The following KIAA1671 variants were observed in gnomAD, a reference collection of about 807,000 sequenced individuals.
KIAA1671 encodes KIAA1671, also known as uncharacterized protein KIAA1671.
In KIAA1671, 52 loss-of-function variants were observed where a neutral mutation model predicts 131.2. The observed-to-expected ratio is 0.40, with a 90% CI of 0.32 to 0.50. The LOEUF is 0.50. Ranked by LOEUF, KIAA1671 falls within the 20% of genes least tolerant of loss-of-function variation. KIAA1671 has a pLI of 0.73. For missense variants in KIAA1671, 2,360 were observed against 2,364.2 expected (o/e 1.00, Z 0.04); for synonymous variants, 1,003 against 961.6 (o/e 1.04, Z -0.80).
intron 6 of KIAA1671, among the ~76,000 whole-genome samples, chr22:25,088,304 A>C (rs111930646): frequency 5.3e-5 from 8 of 152,122 alleles, no homozygotes; most frequent in African/African-American, 1.9e-4. Context: ...GACAGGTTTC[A>C]CCATGTTGGC....
Position 25,038,937 on chromosome 22 carries a change from G to T in KIAA1671, c.1807G>T (p.Asp603Tyr). 6.4e-7 allele frequency: 1 copy of T among 1,551,740 alleles called. No individual in the cohort carries two copies. Among genetic ancestry groups the T allele is most frequent in the East Asian group, 2.4e-5 (1 of 40,906 alleles). The change falls in exon 5 of 13, where the codon GAT (aspartate) becomes TAT (tyrosine). Residue 603 changes from aspartate (D) to tyrosine (Y), a missense_variant. This residue lies in a region of KIAA1671 where 1,185 missense variants were observed against 1,126.2 expected (regional missense o/e 1.05). Coordinates refer to ENST00000358431, the MANE Select transcript of KIAA1671 (RefSeq NM_001145206.2). ...APCPSDVTPE[D>Y]DRSFQTVWAT... ...GTGCCCTTCTGACGTCACTCCAGAG[G>T]ATGACCGGAGCTTCCAGACTGTGTG...
Position 25,039,888 on chromosome 22 carries a change from G to T in KIAA1671, c.2758G>T (p.Gly920Cys). The change falls in exon 5 of 13, where the codon GGT becomes TGT. Residue 920 changes from glycine to cysteine, a missense_variant. By Grantham distance (159) the Gly-to-Cys change is radical (BLOSUM62 -3). This residue lies in a region of KIAA1671 where 1,161 missense variants were observed against 1,204.7 expected (regional missense o/e 0.96). Transcript: ENST00000358431. ...GCCCTTCATTGTAGCCGCCAGGGAG[G>T]GTGATCCAGGGCCGGCCCAGGTGCC... ...KGPFIVAARE[G>C]DPGPAQVPQP... 16 of 1,551,560 alleles carry T rather than the reference G, an allele frequency of 1.0e-5. No homozygotes were observed. Among genetic ancestry groups the T allele is most frequent in the Non-Finnish European group, 1.3e-5 (15 of 1,146,972 alleles).
intron 5 of KIAA1671, among the ~76,000 whole-genome samples, chr22:25,045,291 A>G (rs977773273): frequency 3.9e-5 from 6 of 152,342 alleles, no homozygotes; most frequent in South Asian, 4.1e-4. Context: ...ACTATGGGCA[A>G]TTTTGCCCCT....
chr22:24,982,094 T>A (rs190210096), intron 1 of KIAA1671, among the ~76,000 whole-genome samples: 2 of 152,354 alleles, frequency 1.3e-5, no homozygotes, highest in Admixed American at 6.5e-5. Flanking sequence ...CACGCACCAC[T>A]TGAGTGATGT....
intron 6 of KIAA1671, among the ~76,000 whole-genome samples, chr22:25,085,506 A>T (rs1275349120): frequency 7.8e-6 from 1 of 127,666 alleles, no homozygotes; most frequent in Non-Finnish European, 1.8e-5. Flanking sequence ...AGGGGCCCCC[A>T]CCTCCCCCCC....
intron 1 of KIAA1671, among the ~76,000 whole-genome samples, chr22:24,983,348 G>A (rs143884826): frequency 0.01 from 1,589 of 152,202 alleles, 19 homozygotes; most frequent in South Asian, 0.033. Context: ...GTGGCTTCCG[G>A]CAATTGTTGG....
chr22:25,178,193 C>T (rs892750475), intron 9 of KIAA1671, among the ~76,000 whole-genome samples: 13 of 152,208 alleles, frequency 8.5e-5, no homozygotes, highest in African/African-American at 3.1e-4. Context: ...GACCATCCTC[C>T]AAGGCCAGCA....
At chr22:25,191,215 C>A (rs1934664036) in intron 12 of KIAA1671, among the ~76,000 whole-genome samples, 1 of 146,810 alleles carries the variant, frequency 6.8e-6, no homozygotes, top group Admixed American at 6.9e-5. Flanking sequence ...ATGATGCAAT[C>A]TCGGATCTTG....
At chr22:25,091,809 T>C (rs1336663001) in intron 6 of KIAA1671, among the ~76,000 whole-genome samples, 1 of 152,208 alleles carries the variant, frequency 6.6e-6, no homozygotes, top group Non-Finnish European at 1.5e-5. Flanking sequence ...CTGACTGAAA[T>C]GCTTCAACCA....
At chr22:25,158,805 G>A (rs1320119208) in intron 6 of KIAA1671, among the ~76,000 whole-genome samples, 1 of 152,142 alleles carries the variant, frequency 6.6e-6, no homozygotes, top group African/African-American at 2.4e-5. Flanking sequence ...TAAATGTCAC[G>A]GCCCAGCATG....
chr22:25,034,902 T>TG (rs1926505546), intron 4 of KIAA1671, among the ~76,000 whole-genome samples: 2 of 151,614 alleles, frequency 1.3e-5, no homozygotes, highest in Non-Finnish European at 2.9e-5. Context: ...CACGCCTGGC[T>TG]AATTTTTTGT....
intron 6 of KIAA1671, chr22:25,070,400 TC>T: frequency 1.9e-6 from 1 of 513,988 alleles, no homozygotes; most frequent in Non-Finnish European, 3.6e-6. Context: ...CTGCTGAAGC[TC>T]TTGCGCTACC....
chr22:24,981,723 C>T (rs925598568), intron 1 of KIAA1671, among the ~76,000 whole-genome samples: 1 of 152,156 alleles, frequency 6.6e-6, no homozygotes, highest in African/African-American at 2.4e-5. Flanking sequence ...GCCTGGGCAA[C>T]GTGACGAGAC....
intron 1 of KIAA1671, among the ~76,000 whole-genome samples, chr22:24,990,949 C>T (rs1482745364): frequency 6.6e-6 from 1 of 152,144 alleles, no homozygotes; most frequent in African/African-American, 2.4e-5. Context: ...CACTGTCCCA[C>T]CCCTGGCCCA....
At chr22:25,132,693 A>G (rs1932497287) in intron 6 of KIAA1671, among the ~76,000 whole-genome samples, 1 of 152,140 alleles carries the variant, frequency 6.6e-6, no homozygotes, top group African/African-American at 2.4e-5. Flanking sequence ...TCTACTGAAG[A>G]TCCCTGTTAC....
At chr22:25,046,596 T>C (rs941163182) in intron 5 of KIAA1671, among the ~76,000 whole-genome samples, 7 of 152,232 alleles carry the variant, frequency 4.6e-5, no homozygotes, top group Admixed American at 2.6e-4. Flanking sequence ...ATTCCCCTGA[T>C]ACCTGCCATG....
chr22:25,099,577 T>G (rs1184826208), intron 6 of KIAA1671, among the ~76,000 whole-genome samples: 1 of 128,530 alleles, frequency 7.8e-6, no homozygotes, highest in Non-Finnish European at 1.6e-5. Flanking sequence ...TTTTTTTAGA[T>G]AGAGTCTCGC....
chr22:25,081,497 T>C (rs571246249), intron 6 of KIAA1671, among the ~76,000 whole-genome samples: 1 of 152,226 alleles, frequency 6.6e-6, no homozygotes, highest in South Asian at 2.1e-4. Context: ...TTTCCACATA[T>C]CCAAGGGAGG....
chr22:24,978,095 A>C (rs954164725), intron 1 of KIAA1671, among the ~76,000 whole-genome samples: 1 of 152,098 alleles, frequency 6.6e-6, no homozygotes, highest in African/African-American at 2.4e-5. Flanking sequence ...TCCCCGCAAC[A>C]GCCCCAGGAG....
Sources: allele counts gnomAD v4.1 joint callset (sites outside exome capture counted in the v4.1 genomes callset), GRCh38; gene constraint gnomAD v4.1.1; regional missense constraint gnomAD v4.1.1; transcripts MANE v1.5; gene names NCBI Gene and HGNC (gene_info 2026-07-23, HGNC 2026-07-21).